The following LHX2 variants were observed in gnomAD, a reference collection of about 807,000 sequenced individuals.
LHX2 encodes the protein LIM/homeobox protein Lhx2.
In LHX2, 6 loss-of-function variants were observed where a neutral mutation model predicts 33.0. That is an observed-to-expected ratio of 0.18 (90% CI 0.10 to 0.36). The LOEUF (loss-of-function observed/expected upper bound fraction) is 0.36. Among genes scored for constraint, LHX2 ranks in the 10% least tolerant of loss-of-function variants. The pLI is 1.00. For synonymous variants in LHX2, 292 were observed against 253.1 expected (o/e 1.15, Z -1.46); for missense variants, 442 against 586.2 (o/e 0.75, Z 2.54).
chr9:124,032,369 G>GGA lies in LHX2; in HGVS notation c.934-51_934-50insGA, dbSNP rs386416182. The stretch of plus-strand genomic sequence containing the variant: ...GAGCTCTGAGTGAAGCAGTCGGGGG[G>GGA]ATGCTCTGCCTGCCTTCCGCTCACC... On this transcript the variant is annotated intron_variant, in intron 4 of 4. Coordinates refer to ENST00000373615, the MANE Select transcript of LHX2 (RefSeq NM_004789.4). This position sits in a 1 kb window ranked among gnomAD's most constrained non-coding sequence, Gnocchi z 4.1. 1.0e-5 allele frequency: 16 copies of GGA among 1,528,734 alleles called. No individual in the cohort carries two copies. Among genetic ancestry groups the GGA allele is most frequent in the Non-Finnish European group, 1.4e-5 (16 of 1,136,576 alleles). The allele number at this position is 1,528,734 out of a possible 1,614,324, so 94.7% of individuals were successfully genotyped here. A position where few individuals can be genotyped will look rare whatever the true frequency, so the allele number is the denominator to read the frequency against.
At chr9:124,020,521 G>A (rs2118762663) in intron 3 of LHX2, among the ~76,000 whole-genome samples, 1 of 152,206 alleles carries the variant, frequency 6.6e-6, no homozygotes, top group East Asian at 1.9e-4. Context: ...TCTAGGTGCC[G>A]GTCCCAGACA....
Position 124,032,415 on chromosome 9 carries a change from C to T in LHX2, c.934-5C>T, listed in dbSNP as rs1182138487. 3 of 1,580,492 alleles carry T rather than the reference C, an allele frequency of 1.9e-6. No homozygotes were observed. Among genetic ancestry groups the T allele is most frequent in the East Asian group, 2.3e-5 (1 of 44,332 alleles). ...TCACCAGCCCTTCCCTGTCGTCCCC[C>T]GCAGGTCTGGTTCCAGAACGCCCGA... is the stretch of plus-strand genomic sequence containing the variant. On this transcript the variant is annotated splice_polypyrimidine_tract_variant and splice_region_variant and intron_variant, in intron 4 of 4. Transcript: ENST00000373615. The surrounding 1 kb of genome is among the most constrained non-coding windows in gnomAD (Gnocchi z 4.1).
At chr9:124,026,460 CAA>C (rs112864105) in intron 4 of LHX2, among the ~76,000 whole-genome samples, 27 of 78,694 alleles carry the variant, frequency 3.4e-4, no homozygotes, top group South Asian at 4.2e-4. Context: ...GACTCTGTCT[CAA>C]AAAAAAAAAA....
At position 124,032,736 on chromosome 9, in the gene LHX2, C is replaced by G; in HGVS notation, c.*29C>G. On this transcript the variant is annotated 3_prime_UTR_variant, in exon 5 of 5. Transcript: ENST00000373615. This position sits in a 1 kb window ranked among gnomAD's most constrained non-coding sequence, Gnocchi z 4.1. The stretch of plus-strand genomic sequence containing the variant: ...CTCGCAACCCCTCACCCCACAATTT[C>G]TTTAAAAAAGAAATTATCTTTAGTT... 6.6e-7 allele frequency: 1 copy of G among 1,521,034 alleles called. No individual in the cohort carries two copies. The highest frequency in any genetic ancestry group is 1.3e-5 in the South Asian group (1 of 77,326). 94.2% of individuals were successfully genotyped at this position (1,521,034 alleles called of 1,614,324 possible).
Position 124,032,875 on chromosome 9 carries a change from G to A in LHX2, c.*168G>A. 1.5e-6 allele frequency: 1 copy of A among 672,752 alleles called. No individual in the cohort carries two copies. Among genetic ancestry groups the A allele is most frequent in the Non-Finnish European group, 2.4e-6 (1 of 424,966 alleles). The allele number at this position is 672,752 out of a possible 1,614,324, so 41.7% of individuals were successfully genotyped here. On this transcript the variant is annotated 3_prime_UTR_variant, in exon 5 of 5. Transcript: ENST00000373615. This position sits in a 1 kb window ranked among gnomAD's most constrained non-coding sequence, Gnocchi z 4.1. ...AAGTGTGCGCCCGGCTAATGCAGCG[G>A]TGTGGACCGAGGAACAACTTGGAAG...
At chr9:124,027,287 A>C (rs1277501326) in intron 4 of LHX2, among the ~76,000 whole-genome samples, 4 of 152,212 alleles carry the variant, frequency 2.6e-5, no homozygotes, top group African/African-American at 9.7e-5. Context: ...AACAAAAAAA[A>C]CCGTACCCTT....
intron 1 of LHX2, 110 bp from the exon 2 acceptor site, chr9:124,013,851 G>T (rs1168992916): frequency 7.2e-6 from 7 of 970,594 alleles, no homozygotes; most frequent in South Asian, 4.6e-5. Context: ...CCCCCTCCGC[G>T]TTCAGGGTAG....
intron 3 of LHX2, among the ~76,000 whole-genome samples, chr9:124,018,336 C>G (rs1019954139): frequency 6.6e-6 from 1 of 151,504 alleles, no homozygotes; most frequent in African/African-American, 2.4e-5. Context: ...CTCGCTCCTC[C>G]CCGGATCCGA....
At chr9:124,028,396 A>G (rs1258013114) in intron 4 of LHX2, among the ~76,000 whole-genome samples, 1 of 152,206 alleles carries the variant, frequency 6.6e-6, no homozygotes, top group Non-Finnish European at 1.5e-5. Context: ...ATGTGAAAAG[A>G]GAAGGCCTGT....
intron 4 of LHX2, among the ~76,000 whole-genome samples, chr9:124,027,739 A>G (rs1176888777): frequency 1.3e-5 from 2 of 151,744 alleles, no homozygotes; most frequent in Admixed American, 1.3e-4. Context: ...AATTGCTTGA[A>G]CCCGGGAGGC....
chr9:124,015,838 G>A lies in LHX2; in HGVS notation c.727+313G>A, dbSNP rs1389970261. ...CTAGGCAGGAAGTGGCAGGGATGGA[G>A]AAAGCAAGGCGGCGCTGACGCCAAA... On this transcript the variant is annotated intron_variant, in intron 3 of 4. Coordinates refer to ENST00000373615, the MANE Select transcript of LHX2 (RefSeq NM_004789.4). The surrounding 1 kb of genome is among the most constrained non-coding windows in gnomAD (Gnocchi z 7.9). Among the ~76,000 whole-genome samples the A allele has an allele frequency of 6.6e-6, 1 of 152,270 alleles. No individual in the cohort carries two copies. The highest frequency in any genetic ancestry group is 2.4e-5 in the African/African-American group (1 of 41,480).
chr9:124,018,481 C>T (rs1298249577), intron 3 of LHX2, among the ~76,000 whole-genome samples: 4 of 152,074 alleles, frequency 2.6e-5, no homozygotes, highest in African/African-American at 7.2e-5. Flanking sequence ...GCCTCGGCCT[C>T]GCTACTTAGG....
chr9:124,017,153 A>G (rs1186539875), intron 3 of LHX2, among the ~76,000 whole-genome samples: 1 of 152,128 alleles, frequency 6.6e-6, no homozygotes, highest in Non-Finnish European at 1.5e-5. Flanking sequence ...TCTACAAGAG[A>G]CACCCTCCAT....
At chr9:124,028,798 C>G (rs1441560361) in intron 4 of LHX2, among the ~76,000 whole-genome samples, 2 of 152,174 alleles carry the variant, frequency 1.3e-5, no homozygotes, top group Admixed American at 6.5e-5. Context: ...CACTCTGACC[C>G]TCTCTGGTTT....
chr9:124,012,222 CG>C lies in LHX2; in HGVS notation c.-124del, dbSNP rs1474664145. On this transcript the variant is annotated 5_prime_UTR_variant, in exon 1 of 5. Coordinates refer to ENST00000373615, the MANE Select transcript of LHX2 (RefSeq NM_004789.4). This position sits in a 1 kb window ranked among gnomAD's most constrained non-coding sequence, Gnocchi z 4.3. ...CCCGGCCTGGGGGCTCAGCCGAGCTCGGGCGGGGCCGGGGCCGCGGTGGCGA... is the reference window on the plus strand; with the variant it reads ...CCCGGCCTGGGGGCTCAGCCGAGCTCGGCGGGGCCGGGGCCGCGGTGGCGA... 1.0e-6 allele frequency: 1 copy of C among 988,820 alleles called. No homozygotes were observed. The highest frequency in any genetic ancestry group is 1.3e-6 in the Non-Finnish European group (1 of 782,354). 61.3% of individuals were successfully genotyped at this position (988,820 alleles called of 1,614,324 possible).
At chr9:124,018,716 G>A (rs1005012340) in intron 3 of LHX2, among the ~76,000 whole-genome samples, 3 of 152,194 alleles carry the variant, frequency 2.0e-5, no homozygotes, top group Non-Finnish European at 2.9e-5. Flanking sequence ...TCTCTCTGTG[G>A]TTCTCCTGGC....
Position 124,016,312 on chromosome 9 carries a change from C to A in LHX2, c.727+787C>A, listed in dbSNP as rs1859189737. 6.6e-6 allele frequency among the ~76,000 whole-genome samples: 1 copy of A among 152,158 alleles called. No individual in the cohort carries two copies. Among genetic ancestry groups the A allele is most frequent in the Non-Finnish European group, 1.5e-5 (1 of 68,020 alleles). ...CCAGGCCATTCCCGGAGAAGCTCTG[C>A]CCCCTCCCGCGCCCCTCCCTGCTCA... On this transcript the variant is annotated intron_variant, in intron 3 of 4. Transcript: ENST00000373615. This position sits in a 1 kb window ranked among gnomAD's most constrained non-coding sequence, Gnocchi z 4.4.
In LHX2 at chr9:124,015,723, G is replaced by T. The variant is rs1859177735; in HGVS notation, c.727+198G>T. Among the ~76,000 whole-genome samples the T allele has an allele frequency of 6.6e-6, 1 of 152,264 alleles. No homozygotes were observed. Among genetic ancestry groups the T allele is most frequent in the Non-Finnish European group, 1.5e-5 (1 of 68,046 alleles). On this transcript the variant is annotated intron_variant, in intron 3 of 4. Coordinates refer to ENST00000373615, the MANE Select transcript of LHX2 (RefSeq NM_004789.4). This position sits in a 1 kb window ranked among gnomAD's most constrained non-coding sequence, Gnocchi z 7.9. ...CTGGAGCGGGAGGAGAGGGTGCAGT[G>T]GTCCCTTGCTGCTCCGGGTGCAGGG...
chr9:124,026,508 C>G (rs1394079670), intron 4 of LHX2, among the ~76,000 whole-genome samples: 2 of 151,804 alleles, frequency 1.3e-5, no homozygotes, highest in Admixed American at 1.3e-4. Flanking sequence ...GGAACATCCA[C>G]CCAGAGGGCA....
Sources: gnomAD v4.1 joint callset for allele counts (sites outside exome capture counted in the v4.1 genomes callset) on GRCh38, gnomAD v4.1.1 for gene constraint, Gnocchi (gnomAD v3.1) non-coding constraint, MANE v1.5 for transcripts, NCBI Gene and HGNC (gene_info 2026-07-23, HGNC 2026-07-21) for gene names.